SEPTIN12: variants seen among roughly 807,000 people sequenced by gnomAD.
SEPTIN12 encodes the protein septin 12, also known as septin-12.
SEPTIN12 carries 42 observed loss-of-function variants against 37.7 expected under a neutral mutation model. The ratio of observed to expected loss-of-function variants is 1.11; its 90% confidence interval spans 0.87 to 1.44. The LOEUF (loss-of-function observed/expected upper bound fraction) is 1.44. Ranked by LOEUF, SEPTIN12 falls within the 40% of genes most tolerant of loss-of-function variation. The probability of loss-of-function intolerance (pLI) is 0.00; values close to 1 mark genes in which losing one functional copy is unlikely to be tolerated. For synonymous variants in SEPTIN12, 254 were observed against 196.7 expected (o/e 1.29, Z -2.44); for missense variants, 613 against 479.2 (o/e 1.28, Z -2.61).
intron 2 of SEPTIN12, among the ~76,000 whole-genome samples, chr16:4,786,765 G>A (rs2082457270): frequency 6.6e-6 from 1 of 152,034 alleles, no homozygotes; most frequent in African/African-American, 2.4e-5. Flanking sequence ...TCCCACCTCA[G>A]CCCCCCAAGT....
Position 4,777,963 on chromosome 16 carries a change from T to C in SEPTIN12, c.911A>G (p.Asn304Ser). 1 of 1,611,176 alleles carries C rather than the reference T, an allele frequency of 6.2e-7. No homozygotes were observed. Among genetic ancestry groups the C allele is most frequent in the Non-Finnish European group, 8.5e-7 (1 of 1,178,862 alleles). Reference sequence around the variant, plus strand: ...GACGCGGTAGTTCTCATAGTGGATGTTGTGGGTTATGTCCTTCAGGTCTTG... The same window carrying C: ...GACGCGGTAGTTCTCATAGTGGATGCTGTGGGTTATGTCCTTCAGGTCTTG... ...HLQDLKDITH[N>S]IHYENYRVIR... The change falls in exon 10 of 10, where the codon AAC becomes AGC. Residue 304 changes from asparagine (N) to serine (S), a missense_variant. By Grantham distance (46) the Asn-to-Ser change is conservative. Coordinates refer to ENST00000268231, the MANE Select transcript of SEPTIN12 (RefSeq NM_144605.5).
At chr16:4,778,159 A>G (rs1457446334) in intron 8 of SEPTIN12, 22 bp from the exon 9 acceptor site, 1 of 1,613,996 alleles carries the variant, frequency 6.2e-7, no homozygotes, top group Non-Finnish European at 8.5e-7. Flanking sequence ...GGGACTCAGT[A>G]TGGGCGCTGC....
At chr16:4,782,990 A>T (rs2082389020) in intron 7 of SEPTIN12, among the ~76,000 whole-genome samples, 1 of 147,850 alleles carries the variant, frequency 6.8e-6, no homozygotes, top group African/African-American at 2.5e-5. Flanking sequence ...ACTCACTGCA[A>T]CCTCTGCCTC....
chr16:4,790,065 G>C (rs1484703099), upstream of SEPTIN12: 4 of 151,856 alleles, frequency 2.6e-5, no homozygotes, highest in Non-Finnish European at 4.4e-5. Flanking sequence ...CAGGTACGTA[G>C]ACCATGCTGG....
rs1170713841 is a variant in SEPTIN12 at position 4,785,866 on chromosome 16, C to T, written c.315G>A (p.Lys105=). The change falls in exon 4 of 10, where the codon AAG becomes AAA. Residue 105 remains lysine, a synonymous_variant. Transcript: ENST00000268231. ...LTHVIEEKGV[K]LKLTVTDTPG... Reference sequence around the variant, plus strand: ...GCGTGTCCGTCACCGTCAGCTTCAGCTTCACACCCTTCTCCTCTATGACTG... The same window carrying T: ...GCGTGTCCGTCACCGTCAGCTTCAGTTTCACACCCTTCTCCTCTATGACTG... The T allele has an allele frequency of 1.2e-6, 2 of 1,608,826 alleles. No individual in the cohort carries two copies. Among genetic ancestry groups the T allele is most frequent in the African/African-American group, 1.3e-5 (1 of 74,290 alleles).
rs2082327140 is a variant in SEPTIN12 at position 4,777,796 on chromosome 16, G to T, written c.*1C>A. ...CCAGCAGCCCCGGGATCCGCCGGTGGTCAGAACTCATCATCAGAATCGTCA... is the reference window on the plus strand; with the variant it reads ...CCAGCAGCCCCGGGATCCGCCGGTGTTCAGAACTCATCATCAGAATCGTCA... On this transcript the variant is annotated 3_prime_UTR_variant, in exon 10 of 10. Transcript: ENST00000268231. 2 of 1,543,852 alleles carry T rather than the reference G, an allele frequency of 1.3e-6. No homozygotes were observed. The highest frequency in any genetic ancestry group is 2.5e-5 in the South Asian group (2 of 81,160).
rs562359086 is a variant in SEPTIN12 at position 4,778,103 on chromosome 16, C to T, written c.858G>A (p.Leu286=). ...ACCCTCACCGGATAAGCAGGTCTCTCAGGAGAGGAAATTCACAGTGCGCCA... is the reference window on the plus strand; with the variant it reads ...ACCCTCACCGGATAAGCAGGTCTCTTAGGAGAGGAAATTCACAGTGCGCCA... ...ENMAHCEFPL[L]RDLLIRSHLQ... Residue 286 remains leucine (L), a synonymous_variant, in exon 9 of 10, where the codon CTG becomes CTA. Transcript: ENST00000268231. 1.1e-4 allele frequency: 180 copies of T among 1,614,196 alleles called. 3 individuals are homozygous for T. In the South Asian group the frequency reaches 2.0e-3, roughly 18 times the overall value.
chr16:4,784,684 C>T (rs2082414596), intron 4 of SEPTIN12, among the ~76,000 whole-genome samples: 1 of 149,110 alleles, frequency 6.7e-6, no homozygotes, highest in African/African-American at 2.5e-5. Flanking sequence ...GCAGGAGGGT[C>T]CTTGAGCTTG....
intron 7 of SEPTIN12, among the ~76,000 whole-genome samples, chr16:4,781,943 CT>C (rs571415645): frequency 2.0e-3 from 96 of 47,434 alleles, no homozygotes; most frequent in African/African-American, 7.7e-3. Flanking sequence ...CGTGCCCGGC[CT>C]TTTTTTTTTT....
At chr16:4,788,841 C>G (rs957460285), upstream of SEPTIN12, 1 of 152,128 alleles carries the variant, frequency 6.6e-6, no homozygotes, top group Non-Finnish European at 1.5e-5. Context: ...GAGTCTCTGC[C>G]GCTCTGAGTC....
chr16:4,785,364 A>G (rs537089597), intron 4 of SEPTIN12, among the ~76,000 whole-genome samples: 8 of 149,038 alleles, frequency 5.4e-5, no homozygotes, highest in East Asian at 2.0e-4. Flanking sequence ...TTCTGTCTCA[A>G]AAAAAAAAAA....
chr16:4,778,059 C>A lies in SEPTIN12; in HGVS notation c.875+27G>T, dbSNP rs574010393. The A allele has an allele frequency of 3.7e-6, 6 of 1,613,894 alleles. No homozygotes were observed. The East Asian group carries it at 6.7e-5, about 18-fold the overall frequency. On this transcript the variant is annotated intron_variant, in intron 9 of 9. Transcript: ENST00000268231. Reference sequence around the variant, plus strand: ...GTCCCCAGGGCCCCTCGCCAGCCCCCTAGCCCCAGGCTCCCCACACCCTCA... The same window carrying A: ...GTCCCCAGGGCCCCTCGCCAGCCCCATAGCCCCAGGCTCCCCACACCCTCA...
At position 4,777,853 on chromosome 16, in the gene SEPTIN12, G is replaced by T. The variant is rs763553999; in HGVS notation, c.1021C>A (p.Pro341Thr). Residue 341 changes from proline (P) to threonine (T), a missense_variant, in exon 10 of 10, where the codon CCC becomes ACC. Coordinates refer to ENST00000268231, the MANE Select transcript of SEPTIN12 (RefSeq NM_144605.5). ...APASPGQLTT[P>T]RTFKVCRGAH... Reference sequence around the variant, plus strand: ...CCCCTGCAGACCTTGAAGGTCCGGGGGGTGGTCAGCTGTCCTGGGGAGGCC... The same window carrying T: ...CCCCTGCAGACCTTGAAGGTCCGGGTGGTGGTCAGCTGTCCTGGGGAGGCC... 2 of 1,596,664 alleles carry T rather than the reference G, an allele frequency of 1.3e-6. No homozygotes were observed. The highest frequency in any genetic ancestry group is 2.3e-5 in the South Asian group (2 of 88,246).
chr16:4,782,672 C>T (rs1261042809), intron 7 of SEPTIN12, among the ~76,000 whole-genome samples: 6 of 151,920 alleles, frequency 3.9e-5, no homozygotes, highest in African/African-American at 1.5e-4. Context: ...GGCGCAATCT[C>T]GGCTCACCGT....
rs750788165 is a variant in SEPTIN12 at position 4,786,029 on chromosome 16, G to A, written c.243C>T (p.Gly81=). 3 of 1,613,994 alleles carry A rather than the reference G, an allele frequency of 1.9e-6. No individual in the cohort carries two copies. The highest frequency in any genetic ancestry group is 1.7e-6 in the Non-Finnish European group (2 of 1,179,948). Residue 81 remains glycine, a synonymous_variant, in exon 3 of 10, where the codon GGC becomes GGT. Transcript: ENST00000268231. ...KSKVWKSNPP[G]LGVPTPQTLQ... ...GCGTCTGGGGTGTGGGCACCCCCAA[G>A]CCCGGTGGGTTTGACTTCCACACTT...
chr16:4,782,659 A>G (rs181110792), intron 7 of SEPTIN12, among the ~76,000 whole-genome samples: 24 of 152,044 alleles, frequency 1.6e-4, no homozygotes, highest in African/African-American at 5.1e-4. Context: ...GCTGGGGTGC[A>G]GTGGCGCAAT....
In SEPTIN12 at chr16:4,782,346, T is replaced by A. The variant is rs115693900; in HGVS notation, c.726+1116A>T. Among the ~76,000 whole-genome samples the A allele has an allele frequency of 3.0e-3, 458 of 152,318 alleles. 2 individuals are homozygous for A. Among genetic ancestry groups the A allele is most frequent in the African/African-American group, 0.01 (424 of 41,566 alleles). On this transcript the variant is annotated intron_variant, in intron 7 of 9. Coordinates refer to ENST00000268231, the MANE Select transcript of SEPTIN12 (RefSeq NM_144605.5). ...AGGCCGCACTGTGTTTCCCCACTCA[T>A]CTGTTGATGCATATTTGGGTTGCTT...
chr16:4,787,819 G>A, intron 1 of SEPTIN12, 152 bp from the exon 2 acceptor site: 1 of 592,622 alleles, frequency 1.7e-6, no homozygotes, highest in South Asian at 2.0e-5. Context: ...TGTAGTCCCA[G>A]GGGTGTGGCA....
Position 4,786,121 on chromosome 16 carries a change from G to A in SEPTIN12, c.167-16C>T, listed in dbSNP as rs201117606. On this transcript the variant is annotated splice_polypyrimidine_tract_variant and intron_variant, in intron 2 of 9. Coordinates refer to ENST00000268231, the MANE Select transcript of SEPTIN12 (RefSeq NM_144605.5). ...CCGCTTTGCCCTGGGAGTGGCAACC[G>A]GATGACAGCAGTTAGGGTGGGCGTT... is the stretch of plus-strand genomic sequence containing the variant. 5.7e-5 allele frequency: 90 copies of A among 1,587,954 alleles called. No homozygotes were observed. The highest frequency in any genetic ancestry group is 7.1e-5 in the Non-Finnish European group (83 of 1,164,628).
Sources: allele counts gnomAD v4.1 joint callset (sites outside exome capture counted in the v4.1 genomes callset), GRCh38; gene constraint gnomAD v4.1.1; transcripts MANE v1.5; gene names NCBI Gene and HGNC (gene_info 2026-07-23, HGNC 2026-07-21).